Variants in SETD5 observed in about 807,000 individuals in gnomAD.
SETD5 encodes SET domain containing 5, also known as histone-lysine N-methyltransferase SETD5.
In SETD5, 44 loss-of-function variants were observed where a neutral mutation model predicts 153.3. The ratio of observed to expected loss-of-function variants is 0.29; its 90% CI spans 0.23 to 0.37. The LOEUF is 0.37. Ranked by LOEUF, SETD5 falls within the 10% of genes least tolerant of loss-of-function variation. The pLI, the probability that SETD5 is intolerant of heterozygous loss-of-function variation, is 1.00. For synonymous variants in SETD5, 716 were observed against 645.2 expected (o/e 1.11, Z -1.66); for missense variants, 1,544 against 1,768.0 (o/e 0.87, Z 2.27).
In SETD5 at chr3:9,433,953, G is replaced by A. The variant is rs2040265977; in HGVS notation, c.177+3G>A. Reference sequence around the variant, plus strand: ...GGTGTCGAGGACTGCCTTATGCTGTGAGTATGCATTTGTTTCTCTCCAGAA... The same window carrying A: ...GGTGTCGAGGACTGCCTTATGCTGTAAGTATGCATTTGTTTCTCTCCAGAA... On this transcript the variant is annotated splice_donor_region_variant and intron_variant, in intron 4 of 22. Transcript: ENST00000402198. 2 of 1,613,682 alleles carry A rather than the reference G, an allele frequency of 1.2e-6. No homozygotes were observed. The highest frequency in any genetic ancestry group is 2.7e-5 in the African/African-American group (2 of 74,918).
intron 2 of SETD5, among the ~76,000 whole-genome samples, chr3:9,428,244 T>C: frequency 6.6e-6 from 1 of 152,192 alleles, no homozygotes; most frequent in South Asian, 2.1e-4. Flanking sequence ...CCCAAAATTA[T>C]AGTTAAGATG....
chr3:9,432,583 TTACTA>T (rs1334845783), intron 3 of SETD5, among the ~76,000 whole-genome samples: 5 of 152,220 alleles, frequency 3.3e-5, no homozygotes, highest in Admixed American at 6.5e-5. Context: ...AAATTACAAA[TTACTA>T]TTCTATTCTG....
intron 18 of SETD5, chr3:9,465,075 T>C (rs527311204): frequency 2.0e-5 from 4 of 202,472 alleles, no homozygotes; most frequent in Non-Finnish European, 4.1e-5. Context: ...TGTCTTCGTT[T>C]CTAGGCCTTT....
At chr3:9,423,895 C>T (rs1311581854) in intron 1 of SETD5, among the ~76,000 whole-genome samples, 2 of 152,122 alleles carry the variant, frequency 1.3e-5, no homozygotes, top group African/African-American at 2.4e-5. Context: ...TTAATTTAAG[C>T]GCCATTTTTT....
chr3:9,463,051 CCTCT>C (rs1575564248), intron 17 of SETD5, among the ~76,000 whole-genome samples: 1 of 151,872 alleles, frequency 6.6e-6, no homozygotes, highest in Non-Finnish European at 1.5e-5. Context: ...CAGTCTCCTC[CCTCT>C]GTCACCCAGG....
intron 20 of SETD5, 149 bp downstream of exon 20, chr3:9,473,686 C>A: frequency 1.2e-6 from 1 of 821,428 alleles, no homozygotes; most frequent in Non-Finnish European, 1.9e-6. Context: ...TCCTGTTCAG[C>A]TGATTTAATA....
Position 9,464,665 on chromosome 3 carries a change from A to G in SETD5, c.2717A>G (p.Gln906Arg), listed in dbSNP as rs1396515260. ...TTASRCNTPL[Q>R]FELCHRKDLD... ...GCTAGTCGCTGCAACACTCCTCTACAGTTTGAGGTGATTTGGGTTTGGTTG... is the reference window on the plus strand; with the variant it reads ...GCTAGTCGCTGCAACACTCCTCTACGGTTTGAGGTGATTTGGGTTTGGTTG... The change falls in exon 18 of 23, where the codon CAG becomes CGG. Residue 906 changes from glutamine to arginine, a missense_variant. By Grantham distance (43) the Gln-to-Arg change is conservative. Transcript: ENST00000402198. The G allele has an allele frequency of 1.2e-6, 2 of 1,613,838 alleles. No homozygotes were observed. The highest frequency in any genetic ancestry group is 1.7e-6 in the Non-Finnish European group (2 of 1,179,896).
rs552184333 is a variant in SETD5 at position 9,447,927 on chromosome 3, C to T, written c.2024C>T (p.Thr675Ile). 140 of 1,613,952 alleles carry T rather than the reference C, an allele frequency of 8.7e-5. No individual in the cohort carries two copies. In the South Asian group the frequency reaches 1.2e-3, roughly 14 times the overall value. Residue 675 changes from threonine to isoleucine, a missense_variant, in exon 15 of 23, where the codon ACA (threonine) becomes ATA (isoleucine). Coordinates refer to ENST00000402198, the MANE Select transcript of SETD5 (RefSeq NM_001080517.3). ...AGTTCAGGAGAAAACAGGCCATTAA[C>T]AGGGTCTGACCCAACTGTGGTGTCA... Reference protein sequence around the residue: ...LDSSGENRPLTGSDPTVVSIT... With the variant: ...LDSSGENRPLIGSDPTVVSIT...
At chr3:9,421,377 A>G (rs569694944) in intron 1 of SETD5, among the ~76,000 whole-genome samples, 5 of 151,858 alleles carry the variant, frequency 3.3e-5, no homozygotes, top group South Asian at 2.1e-4. Flanking sequence ...GGCTCAAGCA[A>G]TCCTCCTGCC....
At chr3:9,411,917 G>A (rs1373088005) in intron 1 of SETD5, among the ~76,000 whole-genome samples, 2 of 152,124 alleles carry the variant, frequency 1.3e-5, no homozygotes, top group Non-Finnish European at 2.9e-5. Context: ...AAGTATACCA[G>A]TGCTTACTAT....
At chr3:9,457,536 A>T (rs1339560041) in intron 17 of SETD5, among the ~76,000 whole-genome samples, 1 of 150,690 alleles carries the variant, frequency 6.6e-6, no homozygotes, top group East Asian at 1.9e-4. Flanking sequence ...TATTAATATC[A>T]CTGGATAGAA....
At chr3:9,461,661 A>G in intron 17 of SETD5, among the ~76,000 whole-genome samples, 1 of 152,236 alleles carries the variant, frequency 6.6e-6, no homozygotes, top group East Asian at 1.9e-4. Flanking sequence ...CTTGTTGAAT[A>G]CAGTATCATA....
rs571291877 is a variant in SETD5 at position 9,471,748 on chromosome 3, A to T, written c.3195+819A>T. Among the ~76,000 whole-genome samples the T allele has an allele frequency of 4.6e-5, 7 of 152,276 alleles. No individual in the cohort carries two copies. In the East Asian group the frequency reaches 1.4e-3, roughly 29 times the overall value. On this transcript the variant is annotated intron_variant, in intron 19 of 22. Transcript: ENST00000402198. ...CTAGGGGTGTTTGAGAATGAGTAGG[A>T]GTGTTTTGAATTGTCCCAGTGACTT...
rs2045044167 is a variant in SETD5 at position 9,469,492 on chromosome 3, A to G, written c.2725-967A>G. ...ACAGTCTACTAAGTTCTGAATCAGT[A>G]GTAGTTCACAGGTTAATATGAAACT... On this transcript the variant is annotated intron_variant, in intron 18 of 22. Coordinates refer to ENST00000402198, the MANE Select transcript of SETD5 (RefSeq NM_001080517.3). 2.0e-5 allele frequency among the ~76,000 whole-genome samples: 3 copies of G among 152,338 alleles called. No homozygotes were observed. The South Asian group carries it at 6.2e-4, about 32-fold the overall frequency.
intron 1 of SETD5, among the ~76,000 whole-genome samples, chr3:9,407,537 C>G (rs191699063): frequency 1.1e-4 from 16 of 152,190 alleles, no homozygotes; most frequent in African/African-American, 3.6e-4. Context: ...GAGAAATAAA[C>G]ATATCCCACT....
At chr3:9,454,586 C>T (rs530441160) in intron 17 of SETD5, among the ~76,000 whole-genome samples, 4 of 126,832 alleles carry the variant, frequency 3.2e-5, no homozygotes, top group African/African-American at 1.2e-4. Flanking sequence ...CACGCCACTG[C>T]ACTCCAGCCT....
At chr3:9,460,779 T>TTAA (rs2043864569) in intron 17 of SETD5, among the ~76,000 whole-genome samples, 4 of 152,134 alleles carry the variant, frequency 2.6e-5, no homozygotes, top group Non-Finnish European at 4.4e-5. Context: ...CTACCCCATA[T>TTAA]TTAAGTATGT....
At chr3:9,437,131 G>A (rs926607202) in intron 7 of SETD5, among the ~76,000 whole-genome samples, 1 of 152,000 alleles carries the variant, frequency 6.6e-6, no homozygotes, top group Admixed American at 6.5e-5. Context: ...TGCTTTCCTA[G>A]GGGGTAAGTG....
At chr3:9,416,077 TC>T (rs2037396130) in intron 1 of SETD5, among the ~76,000 whole-genome samples, 1 of 152,138 alleles carries the variant, frequency 6.6e-6, no homozygotes, top group African/African-American at 2.4e-5. Flanking sequence ...ATAGGAATCT[TC>T]CACGTGCATC....
Sources: gnomAD v4.1 joint callset for allele counts (sites outside exome capture counted in the v4.1 genomes callset) on GRCh38, gnomAD v4.1.1 for gene constraint, MANE v1.5 for transcripts, NCBI Gene and HGNC (gene_info 2026-07-23, HGNC 2026-07-21) for gene names.